Variants in UBE3A observed in about 807,000 individuals in gnomAD.
UBE3A encodes ubiquitin protein ligase E3A, also known as ubiquitin-protein ligase E3A.
In UBE3A, 6 loss-of-function variants were observed where a neutral mutation model predicts 83.4. The ratio of observed to expected loss-of-function variants is 0.07; its 90% CI spans 0.04 to 0.14. The LOEUF (loss-of-function observed/expected upper bound fraction) is 0.14, where lower values mean the gene tolerates loss of function less well. Ranked by LOEUF, UBE3A falls within the 10% of genes least tolerant of loss-of-function variation. The probability of loss-of-function intolerance (pLI) is 1.00; values close to 1 mark genes in which losing one functional copy is unlikely to be tolerated. For missense variants in UBE3A, 456 were observed against 1,036.1 expected (o/e 0.44, Z 7.69); for synonymous variants, 337 against 355.4 (o/e 0.95, Z 0.58).
chr15:25,390,999 G>C (rs2084239243), intron 4 of UBE3A, among the ~76,000 whole-genome samples: 1 of 151,160 alleles, frequency 6.6e-6, no homozygotes, highest in Admixed American at 6.6e-5. Context: ...CCTACACCTG[G>C]GTATACTTCC....
At chr15:25,353,338 C>T (rs2076781453) in intron 11 of UBE3A, among the ~76,000 whole-genome samples, 1 of 152,142 alleles carries the variant, frequency 6.6e-6, no homozygotes, top group Admixed American at 6.5e-5. Context: ...TATAAAGTAA[C>T]ATACAGCCAT....
chr15:25,373,296 TG>T (rs2080616965), intron 5 of UBE3A, among the ~76,000 whole-genome samples: 1 of 152,222 alleles, frequency 6.6e-6, no homozygotes, highest in South Asian at 2.1e-4. Context: ...CTTTGCTTCC[TG>T]AGCAAGTCAT....
Position 25,334,468 on chromosome 15 carries a change from A to T in UBE3A, c.*4669T>A, listed in dbSNP as rs1470685249. 5 of 152,154 alleles carry T rather than the reference A, an allele frequency of 3.3e-5. No individual in the cohort carries two copies. Among genetic ancestry groups the T allele is most frequent in the Admixed American group, 2.6e-4 (4 of 15,282 alleles). The allele number at this position is 152,154 out of a possible 1,614,324, so 9.4% of individuals were successfully genotyped here. A position where few individuals can be genotyped will look rare whatever the true frequency, so the allele number is the denominator to read the frequency against. ...GAAAACCTAACACCATTAAAATAGC[A>T]GTTATTTCTCAAATTTATCTACCAA... On this transcript the variant is annotated 3_prime_UTR_variant, in exon 13 of 13. Coordinates refer to ENST00000648336, the MANE Select transcript of UBE3A (RefSeq NM_130839.5).
At chr15:25,405,037 T>C (rs2088138831) in intron 4 of UBE3A, among the ~76,000 whole-genome samples, 5 of 152,230 alleles carry the variant, frequency 3.3e-5, no homozygotes, top group African/African-American at 1.2e-4. Context: ...GTGACTGAAA[T>C]TATTTGCTTC....
chr15:25,385,009 G>C (rs1419466262), intron 4 of UBE3A, among the ~76,000 whole-genome samples: 1 of 152,096 alleles, frequency 6.6e-6, no homozygotes, highest in Non-Finnish European at 1.5e-5. Context: ...ACTACTACAA[G>C]AAAACATGGA....
At chr15:25,420,436 G>C (rs1385673380) in intron 1 of UBE3A, among the ~76,000 whole-genome samples, 2 of 151,916 alleles carry the variant, frequency 1.3e-5, no homozygotes, top group African/African-American at 2.4e-5. Flanking sequence ...TTCCTCTCTC[G>C]GTAATTAGTA....
Position 25,335,320 on chromosome 15 carries a change from G to A in UBE3A, c.*3817C>T, listed in dbSNP as rs66828322. 17,901 of 152,322 alleles carry A rather than the reference G, an allele frequency of 0.12. 1,122 individuals are homozygous for A. Among genetic ancestry groups the A allele is most frequent in the Middle Eastern group, 0.23 (68 of 294 alleles). The allele number at this position is 152,322 out of a possible 1,614,324, so 9.4% of individuals were successfully genotyped here. On this transcript the variant is annotated 3_prime_UTR_variant, in exon 13 of 13. Coordinates refer to ENST00000648336, the MANE Select transcript of UBE3A (RefSeq NM_130839.5). ...AGATGCTGGGTAGGAATGCAGCGAG[G>A]AAAGTGTGTAACACAAGGCCAAATT...
intron 4 of UBE3A, among the ~76,000 whole-genome samples, chr15:25,394,471 C>T (rs927278676): frequency 3.9e-5 from 6 of 152,148 alleles, no homozygotes; most frequent in Non-Finnish European, 5.9e-5. Flanking sequence ...ATTTCTTTTA[C>T]TTCAGAAAAT....
At chr15:25,379,141 A>C (rs904425051) in intron 4 of UBE3A, among the ~76,000 whole-genome samples, 3 of 152,296 alleles carry the variant, frequency 2.0e-5, no homozygotes, top group African/African-American at 7.2e-5. Flanking sequence ...TGAGAGTATT[A>C]TTCTTCTTCA....
chr15:25,381,137 A>C (rs2082102980), intron 4 of UBE3A, among the ~76,000 whole-genome samples: 1 of 152,210 alleles, frequency 6.6e-6, no homozygotes, highest in African/African-American at 2.4e-5. Flanking sequence ...ACGATAAAGC[A>C]ATGTAAGTAT....
chr15:25,370,940 C>T lies in UBE3A; in HGVS notation c.1234G>A (p.Glu412Lys). 1 of 1,614,084 alleles carries T rather than the reference C, an allele frequency of 6.2e-7. No homozygotes were observed. Among genetic ancestry groups the T allele is most frequent in the Non-Finnish European group, 8.5e-7 (1 of 1,180,004 alleles). Reference protein sequence around the residue: ...SELTLQELLGEERRNKKGPRV... With the variant: ...SELTLQELLGKERRNKKGPRV... ...GGACCTTTCTTGTTTCTTCTTTCTT[C>T]TCCCAAAAGTTCCTGAAGTGTCAGC... The change falls in exon 6 of 13, where the codon GAA becomes AAA. Residue 412 changes from glutamate to lysine, a missense_variant. Physicochemically the swap from Glu to Lys is moderately conservative, Grantham distance 56. Around this residue, in one of 13 missense-constraint regions of UBE3A, gnomAD observed 85 missense variants for 137.0 expected, o/e 0.62. Coordinates refer to ENST00000648336, the MANE Select transcript of UBE3A (RefSeq NM_130839.5). The surrounding 1 kb of genome is among the most constrained non-coding windows in gnomAD (Gnocchi z 4.2).
intron 8 of UBE3A, among the ~76,000 whole-genome samples, chr15:25,356,408 C>A (rs772301508): frequency 2.2e-4 from 34 of 152,140 alleles, no homozygotes; most frequent in Non-Finnish European, 4.3e-4. Context: ...CTGATTTTTA[C>A]CTATCTCTTA....
At chr15:25,392,945 A>T (rs1759691965) in intron 4 of UBE3A, among the ~76,000 whole-genome samples, 1 of 152,206 alleles carries the variant, frequency 6.6e-6, no homozygotes, top group African/African-American at 2.4e-5. Flanking sequence ...CCTCATAAAA[A>T]TACATGCACA....
At chr15:25,375,240 A>G (rs1257919637) in intron 5 of UBE3A, 1 of 551,178 alleles carries the variant, frequency 1.8e-6, no homozygotes, top group African/African-American at 1.9e-5. Flanking sequence ...GTTCAAATCA[A>G]TCTATTAACA....
chr15:25,381,699 C>G (rs1217140325), intron 4 of UBE3A, among the ~76,000 whole-genome samples: 1 of 152,152 alleles, frequency 6.6e-6, no homozygotes, highest in African/African-American at 2.4e-5. Context: ...TGAGACGTTG[C>G]AAAACTCCAT....
At chr15:25,375,826 C>G in intron 4 of UBE3A, 63 bp from the exon 5 acceptor site, 2 of 1,587,168 alleles carry the variant, frequency 1.3e-6, no homozygotes, top group African/African-American at 2.7e-5. Context: ...CAAAGCTCAA[C>G]ATATCATCAA....
intron 11 of UBE3A, among the ~76,000 whole-genome samples, chr15:25,347,633 G>A (rs1450544553): frequency 6.6e-6 from 1 of 152,158 alleles, no homozygotes; most frequent in Admixed American, 6.5e-5. Context: ...CTGGGAAGCC[G>A]ATGTTGCAGT....
intron 4 of UBE3A, among the ~76,000 whole-genome samples, chr15:25,381,094 T>C (rs2082094772): frequency 6.6e-6 from 1 of 152,136 alleles, no homozygotes; most frequent in Non-Finnish European, 1.5e-5. Context: ...GGCATAAAAA[T>C]TAAGATGGAT....
At chr15:25,367,545 T>C (rs1255842491) in intron 6 of UBE3A, among the ~76,000 whole-genome samples, 1 of 151,996 alleles carries the variant, frequency 6.6e-6, no homozygotes, top group African/African-American at 2.4e-5. Context: ...TCTAAGGTAT[T>C]TGTGAAGAGA....
Sources: gnomAD v4.1 joint callset for allele counts (sites outside exome capture counted in the v4.1 genomes callset) on GRCh38, gnomAD v4.1.1 for gene constraint, gnomAD v4.1.1 regional missense constraint, Gnocchi (gnomAD v3.1) non-coding constraint, MANE v1.5 for transcripts, NCBI Gene and HGNC (gene_info 2026-07-23, HGNC 2026-07-21) for gene names.